RASGEF1C: variants seen among roughly 807,000 people sequenced by gnomAD.
RASGEF1C encodes ras-GEF domain-containing family member 1C.
Under a neutral mutation model 58.1 loss-of-function variants are expected in RASGEF1C, and 27 were observed. The observed-to-expected ratio is 0.46, with a 90% CI of 0.34 to 0.64. The LOEUF is 0.64. Ranked by LOEUF, RASGEF1C falls within the 30% of genes least tolerant of loss-of-function variation. RASGEF1C has a pLI of 0.01. For synonymous variants in RASGEF1C, 243 were observed against 246.3 expected, an observed-to-expected ratio of 0.99 and a Z score of 0.13; for missense variants, 502 against 605.1, an observed-to-expected ratio of 0.83 and a Z score of 1.79.
intron 1 of RASGEF1C, among the ~76,000 whole-genome samples, chr5:180,139,196 C>G (rs549944130): frequency 2.3e-4 from 35 of 152,310 alleles, no homozygotes; most frequent in African/African-American, 7.5e-4. Context: ...CCACTTACCC[C>G]TCTAGGCCAG....
chr5:180,127,540 G>A (rs1001358266), intron 6 of RASGEF1C, 69 bp downstream of exon 6: 17 of 1,460,424 alleles, frequency 1.2e-5, no homozygotes, highest in African/African-American at 1.0e-4. Flanking sequence ...GAAGGCTCGC[G>A]GGCTCCCCGG....
In RASGEF1C at chr5:180,101,266, C is replaced by T. The variant is rs933514320; in HGVS notation, c.*235G>A. On this transcript the variant is annotated 3_prime_UTR_variant, in exon 14 of 14. Coordinates refer to ENST00000361132, the MANE Select transcript of RASGEF1C (RefSeq NM_175062.4). Reference sequence around the variant, plus strand: ...TCCTGAAGGCAGGATGTCCCCAAGGCATGTGCCGCCCGCACGTCTGGAGGC... The same window carrying T: ...TCCTGAAGGCAGGATGTCCCCAAGGTATGTGCCGCCCGCACGTCTGGAGGC... The T allele has an allele frequency of 1.6e-5, 9 of 579,490 alleles. No homozygotes were observed. The highest frequency in any genetic ancestry group is 2.5e-5 in the Non-Finnish European group (8 of 325,768). The allele number at this position is 579,490 out of a possible 1,614,324, so 35.9% of individuals were successfully genotyped here.
intron 1 of RASGEF1C, among the ~76,000 whole-genome samples, chr5:180,161,448 A>AG (rs989403998): frequency 6.6e-6 from 1 of 152,354 alleles, no homozygotes; most frequent in Admixed American, 6.5e-5. Flanking sequence ...CACGGCAGCC[A>AG]GGGGGGAACT....
chr5:180,118,507 A>G (rs986607241), intron 10 of RASGEF1C, 102 bp downstream of exon 10: 76 of 1,098,370 alleles, frequency 6.9e-5, no homozygotes, highest in Middle Eastern at 3.1e-4. Context: ...CTGGCTGTCT[A>G]TTACTGATGC....
chr5:180,136,552 C>T lies in RASGEF1C; in HGVS notation c.301-37G>A, dbSNP rs777849536. On this transcript the variant is annotated intron_variant, in intron 3 of 13. Coordinates refer to ENST00000361132, the MANE Select transcript of RASGEF1C (RefSeq NM_175062.4). ...CGAGGGGCACCGCGCTCGTGAGGGGCGCCGGGTGGGCACGTGAGCCTCACT... is the reference window on the plus strand; with the variant it reads ...CGAGGGGCACCGCGCTCGTGAGGGGTGCCGGGTGGGCACGTGAGCCTCACT... 76 of 1,546,320 alleles carry T rather than the reference C, an allele frequency of 4.9e-5. No individual in the cohort carries two copies. The Admixed American group carries it at 1.3e-3, about 27-fold the overall frequency.
At position 180,152,770 on chromosome 5, in the gene RASGEF1C, G is replaced by C. The variant is rs931315612; in HGVS notation, c.-6-14712C>G. On this transcript the variant is annotated intron_variant, in intron 1 of 13. Transcript: ENST00000361132. ...TACTAAAAATACAAAAAATTAGCTG[G>C]GCGTGGTGGCAGCGCCTGTAATCCC... Among the ~76,000 whole-genome samples, 11 of 151,898 alleles carry C rather than the reference G, an allele frequency of 7.2e-5. No homozygotes were observed. The East Asian group carries it at 2.1e-3, about 29-fold the overall frequency.
At chr5:180,169,838 T>C in intron 1 of RASGEF1C, among the ~76,000 whole-genome samples, 1 of 131,366 alleles carries the variant, frequency 7.6e-6, no homozygotes, top group Non-Finnish European at 1.6e-5. Flanking sequence ...GCCTCAGTTC[T>C]CCCCTCGCCC....
intron 1 of RASGEF1C, among the ~76,000 whole-genome samples, chr5:180,144,923 G>T (rs909890189): frequency 6.6e-6 from 1 of 152,084 alleles, no homozygotes; most frequent in African/African-American, 2.4e-5. Context: ...TCAGTGACTG[G>T]CGTATTTCAT....
intron 5 of RASGEF1C, among the ~76,000 whole-genome samples, chr5:180,128,159 G>T (rs1766295649): frequency 6.6e-6 from 1 of 152,220 alleles, no homozygotes; most frequent in African/African-American, 2.4e-5. Context: ...GGAGCGCGCT[G>T]AAGAGTGCCT....
intron 1 of RASGEF1C, among the ~76,000 whole-genome samples, chr5:180,184,747 A>G (rs1208131783): frequency 2.0e-5 from 3 of 152,224 alleles, no homozygotes; most frequent in Non-Finnish European, 2.9e-5. Context: ...TATGTCTATA[A>G]TTATTTTATC....
At chr5:180,140,440 G>T (rs1409668022) in intron 1 of RASGEF1C, among the ~76,000 whole-genome samples, 1 of 152,244 alleles carries the variant, frequency 6.6e-6, no homozygotes, top group Non-Finnish European at 1.5e-5. Context: ...ACCTCAGGGA[G>T]CTGGTAAGGG....
chr5:180,202,411 T>C (rs1279638572), intron 1 of RASGEF1C, among the ~76,000 whole-genome samples: 2 of 152,114 alleles, frequency 1.3e-5, no homozygotes, highest in Non-Finnish European at 2.9e-5. Flanking sequence ...GTCCCCCACG[T>C]ACCTAAGATC....
Position 180,114,466 on chromosome 5 carries a change from T to C in RASGEF1C, c.1159A>G (p.Asn387Asp), listed in dbSNP as rs1766030883. 1.2e-6 allele frequency: 2 copies of C among 1,612,788 alleles called. No homozygotes were observed. Among genetic ancestry groups the C allele is most frequent in the African/African-American group, 1.3e-5 (1 of 74,900 alleles). ...CCTACCTCAAAGTTGACGTGTCCAT[T>C]GGGAAGGCGGTTGGCGCAGCCCTCA... Reference protein sequence around the residue: ...LNEGCANRLPNGHVNFEKFLE... With the variant: ...LNEGCANRLPDGHVNFEKFLE... The change falls in exon 11 of 14, where the codon AAT becomes GAT. Residue 387 changes from asparagine to aspartate, a missense_variant. Coordinates refer to ENST00000361132, the MANE Select transcript of RASGEF1C (RefSeq NM_175062.4).
chr5:180,133,438 G>A (rs1005798440), intron 4 of RASGEF1C, among the ~76,000 whole-genome samples: 3 of 152,156 alleles, frequency 2.0e-5, no homozygotes, highest in African/African-American at 7.2e-5. Flanking sequence ...TTCCCTCACA[G>A]CCCTGTGAGG....
In RASGEF1C at chr5:180,158,490, T is replaced by C. The variant is rs1040687201; in HGVS notation, c.-6-20432A>G. ...GTTTATAGTTCAGCAAGGCATAGAA[T>C]TCTAGATCTGTGCTCGTTTGTCTTC... On this transcript the variant is annotated intron_variant, in intron 1 of 13. Transcript: ENST00000361132. The surrounding 1 kb of genome is among the most constrained non-coding windows in gnomAD (Gnocchi z 4.0). 2.6e-4 allele frequency among the ~76,000 whole-genome samples: 39 copies of C among 152,250 alleles called. No homozygotes were observed. Among genetic ancestry groups the C allele is most frequent in the South Asian group, 8.3e-4 (4 of 4,830 alleles).
intron 10 of RASGEF1C, among the ~76,000 whole-genome samples, chr5:180,116,354 C>G (rs897368157): frequency 1.0e-4 from 15 of 148,428 alleles, no homozygotes; most frequent in Non-Finnish European, 4.5e-5. Flanking sequence ...GCGTAAAGTG[C>G]TACGACCACC....
chr5:180,201,321 G>A (rs1292215610), intron 1 of RASGEF1C, among the ~76,000 whole-genome samples: 1 of 152,082 alleles, frequency 6.6e-6, no homozygotes, highest in African/African-American at 2.4e-5. Context: ...TAGCAAGCCT[G>A]GACATTCAAG....
chr5:180,141,475 C>CT (rs1240581083), intron 1 of RASGEF1C, among the ~76,000 whole-genome samples: 1 of 152,214 alleles, frequency 6.6e-6, no homozygotes, highest in Non-Finnish European at 1.5e-5. Flanking sequence ...AGCACAAACA[C>CT]TGAGTGACCC....
At chr5:180,166,377 T>C (rs530385499) in intron 1 of RASGEF1C, among the ~76,000 whole-genome samples, 2 of 152,324 alleles carry the variant, frequency 1.3e-5, no homozygotes, top group Non-Finnish European at 2.9e-5. Flanking sequence ...CATGTATGTG[T>C]CCTTCCAGTA....
Sources: gnomAD v4.1 joint callset for allele counts (sites outside exome capture counted in the v4.1 genomes callset) on GRCh38, gnomAD v4.1.1 for gene constraint, Gnocchi (gnomAD v3.1) non-coding constraint, MANE v1.5 for transcripts, NCBI Gene and HGNC (gene_info 2026-07-23, HGNC 2026-07-21) for gene names.